Variants in ADCY2 observed in about 807,000 individuals in gnomAD.
ADCY2 encodes the protein adenylate cyclase 2, also known as adenylate cyclase type 2.
Under a neutral mutation model 125.2 loss-of-function variants are expected in ADCY2, and 31 were observed. The ratio of observed to expected loss-of-function variants is 0.25; its 90% CI spans 0.19 to 0.33. The LOEUF (loss-of-function observed/expected upper bound fraction) is 0.33, where lower values mean the gene tolerates loss of function less well. ADCY2 is among the 10% of genes least tolerant of loss of function. The pLI, the probability that ADCY2 is intolerant of heterozygous loss-of-function variation, is 1.00. For synonymous variants in ADCY2, 512 were observed against 548.4 expected (o/e 0.93, Z 0.93); for missense variants, 904 against 1,418.2 (o/e 0.64, Z 5.82).
At chr5:7,587,511 C>T (rs915246715) in intron 3 of ADCY2, among the ~76,000 whole-genome samples, 4 of 152,186 alleles carry the variant, frequency 2.6e-5, no homozygotes, top group African/African-American at 9.7e-5. Context: ...TCGTTCTCAA[C>T]GACCAGCCTC....
At chr5:7,493,877 A>G (rs1743254127) in intron 2 of ADCY2, among the ~76,000 whole-genome samples, 1 of 152,110 alleles carries the variant, frequency 6.6e-6, no homozygotes, top group Admixed American at 6.6e-5. Context: ...AAGGAAACTG[A>G]GTCAAATAAG....
intron 7 of ADCY2, among the ~76,000 whole-genome samples, chr5:7,704,672 C>G (rs1034963755): frequency 1.3e-5 from 2 of 151,988 alleles, no homozygotes; most frequent in African/African-American, 2.4e-5. Flanking sequence ...GAGGTCAGGA[C>G]ATCGAGACCA....
chr5:7,699,028 T>TCCA (rs926236330), intron 7 of ADCY2, among the ~76,000 whole-genome samples: 1 of 137,892 alleles, frequency 7.3e-6, no homozygotes, highest in African/African-American at 2.6e-5. Flanking sequence ...CTCCTATTTC[T>TCCA]CCACATCCTC....
chr5:7,434,387 T>C (rs1740719345), intron 2 of ADCY2, among the ~76,000 whole-genome samples: 1 of 152,250 alleles, frequency 6.6e-6, no homozygotes, highest in Admixed American at 6.5e-5. Flanking sequence ...CATATTCTTT[T>C]AACATATGGG....
At chr5:7,488,091 C>T (rs1333516647) in intron 2 of ADCY2, among the ~76,000 whole-genome samples, 1 of 152,146 alleles carries the variant, frequency 6.6e-6, no homozygotes. Context: ...ACCCAAATCT[C>T]ACCTTGAATT....
intron 2 of ADCY2, among the ~76,000 whole-genome samples, chr5:7,425,683 G>A (rs1176790776): frequency 6.6e-6 from 1 of 152,212 alleles, no homozygotes; most frequent in Non-Finnish European, 1.5e-5. Context: ...CACTCAAGTC[G>A]TAAAGGGAGG....
intron 3 of ADCY2, among the ~76,000 whole-genome samples, chr5:7,614,058 C>T (rs1010051133): frequency 6.6e-6 from 1 of 152,186 alleles, no homozygotes; most frequent in Non-Finnish European, 1.5e-5. Context: ...CCAGTTTGAG[C>T]AATCAATAAT....
At chr5:7,414,476 A>G in intron 1 of ADCY2, 97 bp from the exon 2 acceptor site, 1 of 1,038,772 alleles carries the variant, frequency 9.6e-7, no homozygotes, top group Non-Finnish European at 1.4e-6. Context: ...ATATATTCTG[A>G]CATTGACAAG....
chr5:7,629,644 G>A (rs191405444), intron 4 of ADCY2, among the ~76,000 whole-genome samples: 6 of 152,284 alleles, frequency 3.9e-5, no homozygotes, highest in Admixed American at 2.0e-4. Flanking sequence ...AATTGAGGCC[G>A]CCTTTAGAAA....
intron 4 of ADCY2, among the ~76,000 whole-genome samples, chr5:7,688,638 A>G (rs2126721969): frequency 6.6e-6 from 1 of 152,146 alleles, no homozygotes; most frequent in Non-Finnish European, 1.5e-5. Flanking sequence ...GTATGAATAG[A>G]CTTTGGATAT....
chr5:7,425,858 T>G (rs1178693977), intron 2 of ADCY2, among the ~76,000 whole-genome samples: 1 of 152,238 alleles, frequency 6.6e-6, no homozygotes, highest in Non-Finnish European at 1.5e-5. Flanking sequence ...TTTGTTAATG[T>G]GTGTTTCCCA....
At chr5:7,743,582 T>C (rs923417709) in intron 14 of ADCY2, 86 bp from the exon 15 acceptor site, 3 of 1,256,256 alleles carry the variant, frequency 2.4e-6, no homozygotes, top group African/African-American at 1.5e-5. Context: ...AATAAAGTCC[T>C]CGTTAACCCA....
chr5:7,726,677 C>T (rs1295170156), intron 13 of ADCY2, among the ~76,000 whole-genome samples: 2 of 152,048 alleles, frequency 1.3e-5, no homozygotes, highest in Non-Finnish European at 2.9e-5. Context: ...ATAACTTTAC[C>T]CATCACCTCT....
chr5:7,422,449 G>A (rs1371181178), intron 2 of ADCY2, among the ~76,000 whole-genome samples: 1 of 152,026 alleles, frequency 6.6e-6, no homozygotes, highest in African/African-American at 2.4e-5. Context: ...GGATTGCCTG[G>A]AATGTCTTCT....
chr5:7,660,488 G>A (rs750466279), intron 4 of ADCY2, among the ~76,000 whole-genome samples: 8 of 152,048 alleles, frequency 5.3e-5, no homozygotes, highest in Non-Finnish European at 1.2e-4. Flanking sequence ...ATATAGAGAA[G>A]GAAATTTACT....
chr5:7,410,943 G>C (rs1739684833), intron 1 of ADCY2, among the ~76,000 whole-genome samples: 1 of 152,116 alleles, frequency 6.6e-6, no homozygotes, highest in Non-Finnish European at 1.5e-5. Flanking sequence ...AGCTGGACAG[G>C]AGAGAGGAGA....
chr5:7,491,234 A>T (rs1743151826), intron 2 of ADCY2, among the ~76,000 whole-genome samples: 1 of 152,142 alleles, frequency 6.6e-6, no homozygotes, highest in East Asian at 1.9e-4. Flanking sequence ...TGCTTGGTTC[A>T]AAAATGATCT....
At chr5:7,600,429 G>T (rs2126634756) in intron 3 of ADCY2, among the ~76,000 whole-genome samples, 1 of 152,338 alleles carries the variant, frequency 6.6e-6, no homozygotes, top group South Asian at 2.1e-4. Context: ...GGAACTAAAG[G>T]ATGGCCTCAG....
At chr5:7,558,909 A>G (rs1735622448) in intron 3 of ADCY2, among the ~76,000 whole-genome samples, 1 of 147,286 alleles carries the variant, frequency 6.8e-6, no homozygotes, top group South Asian at 2.1e-4. Context: ...ATGGCTAGCC[A>G]GTTATCCTAG....
Sources: gnomAD v4.1 joint callset for allele counts (sites outside exome capture counted in the v4.1 genomes callset) on GRCh38, gnomAD v4.1.1 for gene constraint, MANE v1.5 for transcripts, NCBI Gene and HGNC (gene_info 2026-07-23, HGNC 2026-07-21) for gene names.